The following CD2AP variants were observed in gnomAD, a reference collection of about 807,000 sequenced individuals.
CD2AP encodes the protein CD2-associated protein.
In CD2AP, 46 loss-of-function variants were observed where a neutral mutation model predicts 85.1. The ratio of observed to expected loss-of-function variants is 0.54; its 90% CI spans 0.43 to 0.69. The LOEUF (loss-of-function observed/expected upper bound fraction) is 0.69, where lower values mean the gene tolerates loss of function less well. CD2AP is among the 30% of genes least tolerant of loss of function. The pLI is 0.00. For synonymous variants in CD2AP, 255 were observed against 252.9 expected, an observed-to-expected ratio of 1.01 and a Z score of -0.08; for missense variants, 769 against 729.5, an observed-to-expected ratio of 1.05 and a Z score of -0.62.
At chr6:47,579,249 CACTTGAGCCCAGGA>C in intron 8 of CD2AP, 122 bp from the exon 9 acceptor site, 4 of 628,396 alleles carry the variant, frequency 6.4e-6, no homozygotes, top group South Asian at 1.8e-5. Flanking sequence ...TTGGGAGGAT[CACTTGAGCCCAGGA>C]GGTTGAGGCT....
chr6:47,624,231 G>A lies in CD2AP; in HGVS notation c.*4G>A. 6.2e-7 allele frequency: 1 copy of A among 1,609,574 alleles called. No homozygotes were observed. The highest frequency in any genetic ancestry group is 8.5e-7 in the Non-Finnish European group (1 of 1,176,120). ...AAAAGCTGTCCTGTCTTCTTGAGTG[G>A]TGTGGACCTGGTGTTCATAATGTTC... is the stretch of plus-strand genomic sequence containing the variant. On this transcript the variant is annotated 3_prime_UTR_variant, in exon 18 of 18. Coordinates refer to ENST00000359314, the MANE Select transcript of CD2AP (RefSeq NM_012120.3).
Position 47,549,930 on chromosome 6 carries a change from G to A in CD2AP, c.421-4716G>A, listed in dbSNP as rs537657691. 4.8e-4 allele frequency among the ~76,000 whole-genome samples: 73 copies of A among 152,122 alleles called. 1 individual carries two copies. Among genetic ancestry groups the A allele is most frequent in the African/African-American group, 1.7e-3 (69 of 41,500 alleles). ...AAATACTTACAGCTAACTGATCTTC[G>A]ACAAAGCAAACAAAAACAAAAAGTG... is the stretch of plus-strand genomic sequence containing the variant. On this transcript the variant is annotated intron_variant, in intron 4 of 17. Transcript: ENST00000359314.
chr6:47,489,049 A>G (rs1472502918), intron 1 of CD2AP: 3 of 151,700 alleles, frequency 2.0e-5, no homozygotes, highest in Non-Finnish European at 2.9e-5. Flanking sequence ...TAACTTAATT[A>G]TGTTTTAAAA....
intron 2 of CD2AP, among the ~76,000 whole-genome samples, chr6:47,509,817 G>A (rs958843191): frequency 6.6e-5 from 10 of 152,140 alleles, no homozygotes; most frequent in African/African-American, 2.4e-4. Context: ...CAGTAAGATG[G>A]GCTCTAATAC....
At chr6:47,522,710 A>G (rs1288129900) in intron 2 of CD2AP, among the ~76,000 whole-genome samples, 1 of 152,094 alleles carries the variant, frequency 6.6e-6, no homozygotes, top group African/African-American at 2.4e-5. Context: ...AATTTCTAGC[A>G]ATTTTTTTCT....
At chr6:47,515,771 G>A (rs1435873052) in intron 2 of CD2AP, among the ~76,000 whole-genome samples, 2 of 151,532 alleles carry the variant, frequency 1.3e-5, no homozygotes, top group Non-Finnish European at 2.9e-5. Flanking sequence ...AAGTGCTTTT[G>A]ATCACTTTCA....
intron 1 of CD2AP, among the ~76,000 whole-genome samples, chr6:47,497,321 C>A (rs371542865): frequency 1.2e-4 from 17 of 141,304 alleles, no homozygotes; most frequent in South Asian, 2.3e-4. Flanking sequence ...CTTTCCTTTC[C>A]TTTCCTTTCC....
At chr6:47,619,881 T>C (rs1027727318) in intron 17 of CD2AP, among the ~76,000 whole-genome samples, 4 of 152,254 alleles carry the variant, frequency 2.6e-5, no homozygotes, top group African/African-American at 9.6e-5. Flanking sequence ...TTGAGGATTG[T>C]CTATTCATGA....
chr6:47,601,256 A>C lies in CD2AP; in HGVS notation c.1417+1813A>C, dbSNP rs369316183. Among the ~76,000 whole-genome samples, 5 of 152,038 alleles carry C rather than the reference A, an allele frequency of 3.3e-5. No homozygotes were observed. The East Asian group carries it at 7.7e-4, about 24-fold the overall frequency. On this transcript the variant is annotated intron_variant, in intron 13 of 17. Coordinates refer to ENST00000359314, the MANE Select transcript of CD2AP (RefSeq NM_012120.3). ...TATTTACTCCCTATATAGTAAACAG[A>C]GACTTTGTGGAACAGGGTGTGAAAA...
At chr6:47,498,068 T>A (rs1765911779) in intron 1 of CD2AP, among the ~76,000 whole-genome samples, 1 of 152,150 alleles carries the variant, frequency 6.6e-6, no homozygotes, top group African/African-American at 2.4e-5. Context: ...TATTCTGAGG[T>A]TGGTGCCACA....
intron 2 of CD2AP, among the ~76,000 whole-genome samples, chr6:47,512,066 G>A (rs1766329180): frequency 1.3e-5 from 2 of 152,154 alleles, no homozygotes; most frequent in Admixed American, 6.5e-5. Flanking sequence ...GCTGAGGCAG[G>A]AGAATGGTGT....
chr6:47,531,952 A>T (rs929185057), intron 2 of CD2AP, among the ~76,000 whole-genome samples: 2 of 151,890 alleles, frequency 1.3e-5, no homozygotes, highest in African/African-American at 4.8e-5. Flanking sequence ...GCATGCCTGT[A>T]GTCCCAGCTG....
At chr6:47,586,348 A>C (rs1169630660) in intron 11 of CD2AP, among the ~76,000 whole-genome samples, 1 of 152,214 alleles carries the variant, frequency 6.6e-6, no homozygotes, top group Admixed American at 6.5e-5. Flanking sequence ...AGACATAGCA[A>C]ATAGAACCAT....
At chr6:47,484,889 T>C (rs1048872512) in intron 1 of CD2AP, among the ~76,000 whole-genome samples, 5 of 152,158 alleles carry the variant, frequency 3.3e-5, no homozygotes, top group Non-Finnish European at 7.3e-5. Flanking sequence ...AGGAATGTTT[T>C]GGTCAATAAT....
intron 11 of CD2AP, among the ~76,000 whole-genome samples, chr6:47,583,910 C>G (rs1768551231): frequency 6.6e-6 from 1 of 152,218 alleles, no homozygotes; most frequent in South Asian, 2.1e-4. Context: ...GTTCTACGTT[C>G]TAGCCAGCAT....
At chr6:47,581,594 T>C (rs1051945026) in intron 10 of CD2AP, among the ~76,000 whole-genome samples, 1 of 152,200 alleles carries the variant, frequency 6.6e-6, no homozygotes, top group African/African-American at 2.4e-5. Context: ...TACTCTTCAA[T>C]GTGGTAGCCA....
chr6:47,496,378 C>T (rs1765857918), intron 1 of CD2AP, among the ~76,000 whole-genome samples: 1 of 152,054 alleles, frequency 6.6e-6, no homozygotes, highest in Non-Finnish European at 1.5e-5. Context: ...ATTTTCTTTC[C>T]TCTTTGTCTT....
chr6:47,560,895 A>C lies in CD2AP; in HGVS notation c.541+6129A>C, dbSNP rs114344988. 1.6e-3 allele frequency among the ~76,000 whole-genome samples: 237 copies of C among 152,290 alleles called. 1 individual carries two copies. The highest frequency in any genetic ancestry group is 5.4e-3 in the African/African-American group (223 of 41,560). On this transcript the variant is annotated intron_variant, in intron 5 of 17. Coordinates refer to ENST00000359314, the MANE Select transcript of CD2AP (RefSeq NM_012120.3). ...AATAGTTGTTACTATGATGGTTACC[A>C]AAAATGGTGATTTTCTAATACCATC...
At chr6:47,510,121 G>T (rs553327462) in intron 2 of CD2AP, among the ~76,000 whole-genome samples, 1 of 152,030 alleles carries the variant, frequency 6.6e-6, no homozygotes, top group African/African-American at 2.4e-5. Context: ...TTTAATCTGG[G>T]ATTAAAAATT....
Sources: allele counts gnomAD v4.1 joint callset (sites outside exome capture counted in the v4.1 genomes callset), GRCh38; gene constraint gnomAD v4.1.1; transcripts MANE v1.5; gene names NCBI Gene and HGNC (gene_info 2026-07-23, HGNC 2026-07-21).